The following ZRANB3 variants were observed in gnomAD, a reference collection of about 807,000 sequenced individuals.
The protein encoded by ZRANB3 is DNA annealing helicase and endonuclease ZRANB3.
A neutral mutation model predicts 133.8 loss-of-function variants in ZRANB3; 125 were observed. That is an observed-to-expected ratio of 0.93 (90% CI 0.81 to 1.08). The LOEUF (loss-of-function observed/expected upper bound fraction) is 1.08. Among genes scored for constraint, ZRANB3 ranks in the 50% least tolerant of loss-of-function variants. The pLI, the probability that ZRANB3 is intolerant of heterozygous loss-of-function variation, is 0.00. For synonymous variants in ZRANB3, 387 were observed against 432.7 expected, an observed-to-expected ratio of 0.89 and a Z score of 1.31; for missense variants, 1,229 against 1,275.5, an observed-to-expected ratio of 0.96 and a Z score of 0.56.
intron 1 of ZRANB3, chr2:135,511,294 G>T: frequency 2.0e-6 from 2 of 979,742 alleles, no homozygotes; most frequent in African/African-American, 1.6e-5. Flanking sequence ...TCTAATACTA[G>T]CTCAGACTTT....
chr2:135,241,605 A>G (rs915258808), intron 12 of ZRANB3, among the ~76,000 whole-genome samples: 1 of 152,036 alleles, frequency 6.6e-6, no homozygotes, highest in African/African-American at 2.4e-5. Flanking sequence ...CTTAGGACAC[A>G]TGGGGCTAGC....
At chr2:135,348,189 G>A (rs948254040) in intron 5 of ZRANB3, among the ~76,000 whole-genome samples, 1 of 151,462 alleles carries the variant, frequency 6.6e-6, no homozygotes, top group Non-Finnish European at 1.5e-5. Flanking sequence ...AACCTGGGAG[G>A]TAGAAGTTGC....
At chr2:135,215,496 G>C (rs1694268038) in intron 17 of ZRANB3, among the ~76,000 whole-genome samples, 1 of 150,496 alleles carries the variant, frequency 6.6e-6, no homozygotes, top group African/African-American at 2.4e-5. Flanking sequence ...CAAGCAGTCT[G>C]TCCTCCTTGG....
chr2:135,311,148 A>T (rs72982355), intron 8 of ZRANB3, among the ~76,000 whole-genome samples: 8,557 of 152,242 alleles, frequency 0.056, 465 homozygotes, highest in African/African-American at 0.14. Context: ...CCATATAAAT[A>T]TGGACTCAAT....
intron 3 of ZRANB3, among the ~76,000 whole-genome samples, chr2:135,373,553 C>T (rs1686277044): frequency 6.6e-6 from 1 of 151,894 alleles, no homozygotes; most frequent in Admixed American, 6.6e-5. Context: ...TTTGGGAGGC[C>T]GAGGCAGGCG....
intron 2 of ZRANB3, among the ~76,000 whole-genome samples, chr2:135,420,839 G>A (rs1034886687): frequency 2.6e-5 from 4 of 152,168 alleles, no homozygotes; most frequent in East Asian, 3.9e-4. Context: ...AGAAATTAAA[G>A]GAAAATTTTA....
intron 2 of ZRANB3, among the ~76,000 whole-genome samples, chr2:135,466,898 A>T (rs1353623615): frequency 2.6e-5 from 4 of 152,126 alleles, no homozygotes; most frequent in African/African-American, 9.7e-5. Context: ...GCTGCAAGTG[A>T]TCCACCTCCA....
At chr2:135,418,094 A>G (rs1688670361) in intron 2 of ZRANB3, among the ~76,000 whole-genome samples, 1 of 152,198 alleles carries the variant, frequency 6.6e-6, no homozygotes, top group Non-Finnish European at 1.5e-5. Flanking sequence ...CATGTACCCT[A>G]AAACTTAAAG....
At chr2:135,204,618 G>A (rs913659029) in intron 19 of ZRANB3, among the ~76,000 whole-genome samples, 2 of 139,686 alleles carry the variant, frequency 1.4e-5, no homozygotes, top group Non-Finnish European at 3.0e-5. Flanking sequence ...GGGAAACACA[G>A]TGAGATCCCA....
In ZRANB3 at chr2:135,419,417, AAGAG is replaced by A. The variant is rs373313407; in HGVS notation, c.162-28601_162-28598del. Among the ~76,000 whole-genome samples, 7 of 151,846 alleles carry A rather than the reference AAGAG, an allele frequency of 4.6e-5. 1 individual carries two copies. The highest frequency in any genetic ancestry group is 1.9e-4 in the East Asian group (1 of 5,154). ...ATGTGTGTGTGTGTGTGTACAGAGAAAGAGAGAGAGAAAGATAACCTAAATAACA... is the reference window on the plus strand; with the variant it reads ...ATGTGTGTGTGTGTGTGTACAGAGAAAGAGAGAAAGATAACCTAAATAACA... On this transcript the variant is annotated intron_variant, in intron 2 of 20. Transcript: ENST00000264159.
At chr2:135,289,851 C>T (rs1210870890) in intron 8 of ZRANB3, among the ~76,000 whole-genome samples, 1 of 152,148 alleles carries the variant, frequency 6.6e-6, no homozygotes, top group Non-Finnish European at 1.5e-5. Context: ...TGTGGTGAGT[C>T]AAGACTCTGC....
chr2:135,231,333 C>T (rs985343533), intron 12 of ZRANB3, among the ~76,000 whole-genome samples: 12 of 151,900 alleles, frequency 7.9e-5, no homozygotes, highest in African/African-American at 2.2e-4. Context: ...ATATATGTCA[C>T]GGAAAAAAAG....
At chr2:135,246,977 T>C (rs1695828757) in intron 12 of ZRANB3, among the ~76,000 whole-genome samples, 1 of 152,144 alleles carries the variant, frequency 6.6e-6, no homozygotes, top group South Asian at 2.1e-4. Context: ...AAAAATCTAG[T>C]AAAACTCATA....
At chr2:135,333,755 A>T (rs1297013031) in intron 6 of ZRANB3, among the ~76,000 whole-genome samples, 2 of 152,230 alleles carry the variant, frequency 1.3e-5, no homozygotes, top group Non-Finnish European at 2.9e-5. Context: ...AACACATTAG[A>T]ATGTATTGAA....
At chr2:135,379,652 T>C (rs543610717) in intron 3 of ZRANB3, among the ~76,000 whole-genome samples, 43 of 152,166 alleles carry the variant, frequency 2.8e-4, no homozygotes, top group South Asian at 6.2e-4. Flanking sequence ...CAACACCTAC[T>C]GAAGGAAGCA....
intron 8 of ZRANB3, among the ~76,000 whole-genome samples, chr2:135,311,683 G>A (rs1020816865): frequency 2.6e-5 from 4 of 152,080 alleles, no homozygotes; most frequent in South Asian, 4.1e-4. Context: ...CCAGGTGTTC[G>A]AAACTGCAGT....
At chr2:135,200,646 A>G (rs1693582114) in intron 20 of ZRANB3, among the ~76,000 whole-genome samples, 1 of 152,092 alleles carries the variant, frequency 6.6e-6, no homozygotes, top group Admixed American at 6.5e-5. Flanking sequence ...TAGGACCAAC[A>G]TAGCAGGAGA....
chr2:135,301,671 T>C (rs1682438044), intron 8 of ZRANB3, among the ~76,000 whole-genome samples: 1 of 152,204 alleles, frequency 6.6e-6, no homozygotes, highest in Non-Finnish European at 1.5e-5. Flanking sequence ...CTCATCTCCT[T>C]TCCATTTTAC....
intron 3 of ZRANB3, 88 bp downstream of exon 3, chr2:135,390,714 T>C: frequency 7.3e-6 from 11 of 1,504,728 alleles, no homozygotes; most frequent in South Asian, 1.2e-5. Context: ...CATATAGTCA[T>C]ATGGAGAAAG....
Sources: gnomAD v4.1 joint callset for allele counts (sites outside exome capture counted in the v4.1 genomes callset) on GRCh38, gnomAD v4.1.1 for gene constraint, MANE v1.5 for transcripts, NCBI Gene and HGNC (gene_info 2026-07-23, HGNC 2026-07-21) for gene names.